The following KIAA1671 variants were observed in gnomAD, a reference collection of about 807,000 sequenced individuals.
The protein encoded by KIAA1671 is KIAA1671.
In KIAA1671, 52 loss-of-function variants were observed where a neutral mutation model predicts 131.2. The observed-to-expected ratio is 0.40, with a 90% confidence interval of 0.32 to 0.50. The LOEUF (loss-of-function observed/expected upper bound fraction) is 0.50. KIAA1671 is among the 20% of genes least tolerant of loss of function. The pLI is 0.73. For synonymous variants in KIAA1671, 1,003 were observed against 961.6 expected, an observed-to-expected ratio of 1.04 and a Z score of -0.80; for missense variants, 2,360 against 2,364.2, an observed-to-expected ratio of 1.00 and a Z score of 0.04.
At chr22:25,034,768 C>T (rs917674479) in intron 4 of KIAA1671, among the ~76,000 whole-genome samples, 21 of 151,932 alleles carry the variant, frequency 1.4e-4, no homozygotes, top group African/African-American at 4.8e-4. Flanking sequence ...GATGGAGTCT[C>T]GCTCTGTTGC....
chr22:25,113,601 C>T (rs1010967111), intron 6 of KIAA1671, among the ~76,000 whole-genome samples: 1 of 152,206 alleles, frequency 6.6e-6, no homozygotes, highest in Non-Finnish European at 1.5e-5. Context: ...ATCCCCTCTG[C>T]TGACCCAGAG....
intron 5 of KIAA1671, among the ~76,000 whole-genome samples, chr22:25,045,797 A>G (rs1412364218): frequency 6.6e-6 from 1 of 151,930 alleles, no homozygotes; most frequent in Non-Finnish European, 1.5e-5. Context: ...CACCATGTTA[A>G]CCAGGCTGGT....
chr22:25,051,939 G>A (rs1307171417), intron 6 of KIAA1671: 1 of 152,266 alleles, frequency 6.6e-6, no homozygotes, highest in Non-Finnish European at 1.5e-5. Flanking sequence ...TCAGCCTCAT[G>A]TTAGTGACCA....
Position 25,084,457 on chromosome 22 carries a change from C to CA in KIAA1671, c.4530+35111dup, listed in dbSNP as rs36090380. Among the ~76,000 whole-genome samples, 992 of 128,438 alleles carry CA rather than the reference C, an allele frequency of 7.7e-3. 26 individuals carry two copies. Among genetic ancestry groups the CA allele is most frequent in the Admixed American group, 0.019 (246 of 12,692 alleles). The allele number at this position is 128,438 out of a possible 152,430, so 84.3% of individuals were successfully genotyped here. On this transcript the variant is annotated intron_variant, in intron 6 of 12. Coordinates refer to ENST00000358431, the MANE Select transcript of KIAA1671 (RefSeq NM_001145206.2). Reference sequence around the variant, plus strand: ...TCAGCGACAGAGCAAGACTCTATCTCAAAAAAAAAAAAAAAAAATTGACAA... The same window carrying CA: ...TCAGCGACAGAGCAAGACTCTATCTCAAAAAAAAAAAAAAAAAAATTGACAA...
At chr22:24,995,236 T>A (rs1359279193) in intron 1 of KIAA1671, among the ~76,000 whole-genome samples, 1 of 151,788 alleles carries the variant, frequency 6.6e-6, no homozygotes, top group Non-Finnish European at 1.5e-5. Flanking sequence ...ATTTTTTTAG[T>A]AGAGACAGGG....
chr22:25,090,126 G>A (rs1483161696), intron 6 of KIAA1671, among the ~76,000 whole-genome samples: 1 of 152,214 alleles, frequency 6.6e-6, no homozygotes, highest in Non-Finnish European at 1.5e-5. Flanking sequence ...GGGAGTGCGG[G>A]CAGCTCCTTA....
At chr22:25,118,022 C>T (rs538602797) in intron 6 of KIAA1671, among the ~76,000 whole-genome samples, 1 of 151,728 alleles carries the variant, frequency 6.6e-6, no homozygotes, top group African/African-American at 2.4e-5. Context: ...CCTGTAATCC[C>T]AGCTACTCAG....
At chr22:25,118,062 C>G (rs553518716) in intron 6 of KIAA1671, among the ~76,000 whole-genome samples, 2 of 149,024 alleles carry the variant, frequency 1.3e-5, no homozygotes, top group South Asian at 4.3e-4. Flanking sequence ...TGCTTGAACC[C>G]GGGAGGTGGA....
intron 5 of KIAA1671, among the ~76,000 whole-genome samples, chr22:25,045,078 G>A (rs1602094703): frequency 2.6e-5 from 4 of 151,280 alleles, no homozygotes; most frequent in South Asian, 2.1e-4. Flanking sequence ...GGAGAATGGC[G>A]TGAACCCGGG....
chr22:25,119,640 G>A (rs1264566974), intron 6 of KIAA1671, among the ~76,000 whole-genome samples: 2 of 152,178 alleles, frequency 1.3e-5, no homozygotes, highest in African/African-American at 4.8e-5. Context: ...AATGTAACAG[G>A]GCATGGGGAC....
At chr22:25,093,972 TTC>T (rs1023740205) in intron 6 of KIAA1671, among the ~76,000 whole-genome samples, 6 of 151,448 alleles carry the variant, frequency 4.0e-5, no homozygotes, top group Non-Finnish European at 7.4e-5. Flanking sequence ...CTCCCAGGAC[TTC>T]TCACTTTGGG....
Position 25,027,922 on chromosome 22 carries a change from GTTTGTTTGT to G in KIAA1671, c.-55-11_-55-3del, listed in dbSNP as rs1926038831. The G allele has an allele frequency of 2.6e-6, 3 of 1,156,312 alleles. No individual in the cohort carries two copies. Among genetic ancestry groups the G allele is most frequent in the Non-Finnish European group, 3.6e-6 (3 of 833,632 alleles). 71.6% of individuals were successfully genotyped at this position (1,156,312 alleles called of 1,614,324 possible). A position where few individuals can be genotyped will look rare whatever the true frequency, so the allele number is the denominator to read the frequency against. Reference sequence around the variant, plus strand: ...CACTGACTGTTTTCCAAATTTACTTGTTTGTTTGTTTTGTTTGTTTAGCAATTGCTTCTC... The same window carrying G: ...CACTGACTGTTTTCCAAATTTACTTGTTTGTTTGTTTAGCAATTGCTTCTC... On this transcript the variant is annotated splice_polypyrimidine_tract_variant and intron_variant, in intron 2 of 12. Coordinates refer to ENST00000358431, the MANE Select transcript of KIAA1671 (RefSeq NM_001145206.2).
intron 6 of KIAA1671, among the ~76,000 whole-genome samples, chr22:25,135,292 T>C (rs1172132975): frequency 6.6e-6 from 1 of 152,144 alleles, no homozygotes; most frequent in Admixed American, 6.5e-5. Context: ...TTCACACCAT[T>C]CTCCTGCCTC....
chr22:25,037,551 A>G (rs941919608), intron 4 of KIAA1671, among the ~76,000 whole-genome samples: 5 of 152,042 alleles, frequency 3.3e-5, no homozygotes, highest in African/African-American at 1.2e-4. Flanking sequence ...AAAGTGCACA[A>G]CTGAGTGGCA....
chr22:25,144,817 C>T (rs1460567836), intron 6 of KIAA1671, among the ~76,000 whole-genome samples: 1 of 152,198 alleles, frequency 6.6e-6, no homozygotes, highest in Non-Finnish European at 1.5e-5. Context: ...CCCTGAACCT[C>T]CTTCTCCTGG....
chr22:25,168,310 TC>T (rs1933714546), intron 6 of KIAA1671, among the ~76,000 whole-genome samples: 1 of 152,190 alleles, frequency 6.6e-6, no homozygotes, highest in Admixed American at 6.5e-5. Flanking sequence ...CACGCCCAGT[TC>T]CCCGGTGCCT....
At chr22:25,026,971 A>T (rs1016185009) in intron 2 of KIAA1671, among the ~76,000 whole-genome samples, 7 of 152,188 alleles carry the variant, frequency 4.6e-5, no homozygotes, top group Non-Finnish European at 5.9e-5. Flanking sequence ...GCCCCAAGCT[A>T]CTACAAAATG....
intron 4 of KIAA1671, among the ~76,000 whole-genome samples, chr22:25,035,707 G>A (rs1926551594): frequency 1.3e-5 from 2 of 152,188 alleles, no homozygotes. Context: ...GGCTGTGTGT[G>A]GCGAGAGTGG....
At chr22:25,153,982 AG>A (rs770566753) in intron 6 of KIAA1671, among the ~76,000 whole-genome samples, 13 of 152,224 alleles carry the variant, frequency 8.5e-5, no homozygotes, top group Non-Finnish European at 1.9e-4. Context: ...CTCAGGGCCA[AG>A]AGACTACTTC....
Sources: gnomAD v4.1 joint callset for allele counts (sites outside exome capture counted in the v4.1 genomes callset) on GRCh38, gnomAD v4.1.1 for gene constraint, MANE v1.5 for transcripts, NCBI Gene and HGNC (gene_info 2026-07-23, HGNC 2026-07-21) for gene names.